SF3B3: variants seen among roughly 807,000 people sequenced by gnomAD.
SF3B3 encodes the protein splicing factor 3b subunit 3.
A neutral mutation model predicts 139.2 loss-of-function variants in SF3B3; 33 were observed. The observed-to-expected ratio is 0.24, with a 90% CI of 0.18 to 0.32. The LOEUF (loss-of-function observed/expected upper bound fraction) is 0.32. Among genes scored for constraint, SF3B3 ranks in the 10% least tolerant of loss-of-function variants. The pLI is 1.00. For missense variants in SF3B3, 818 were observed against 1,509.4 expected, an observed-to-expected ratio of 0.54 and a Z score of 7.59; for synonymous variants, 596 against 563.6, an observed-to-expected ratio of 1.06 and a Z score of -0.81.
chr16:70,540,858 A>C (rs1409180198), intron 8 of SF3B3, among the ~76,000 whole-genome samples: 1 of 152,176 alleles, frequency 6.6e-6, no homozygotes, highest in African/African-American at 2.4e-5. Flanking sequence ...GCTGATGTAC[A>C]CTTGGATTGT....
intron 2 of SF3B3, chr16:70,527,129 T>C: frequency 5.7e-6 from 1 of 176,508 alleles, no homozygotes; most frequent in Middle Eastern, 2.4e-3. Flanking sequence ...TGGACCTTGG[T>C]TTGGTGCTTG....
intron 14 of SF3B3, chr16:70,556,618 G>C: frequency 3.4e-6 from 2 of 593,928 alleles, no homozygotes; most frequent in Non-Finnish European, 5.9e-6. Flanking sequence ...CTTGCTGCAG[G>C]ACCCTAGGTG....
At chr16:70,527,257 A>T (rs1410627934) in intron 2 of SF3B3, among the ~76,000 whole-genome samples, 1 of 152,236 alleles carries the variant, frequency 6.6e-6, no homozygotes, top group Non-Finnish European at 1.5e-5. Flanking sequence ...TTTTGTAAAG[A>T]TGGATTAAGG....
intron 1 of SF3B3, among the ~76,000 whole-genome samples, chr16:70,524,206 C>T (rs1449102044): frequency 2.0e-5 from 3 of 152,074 alleles, no homozygotes; most frequent in African/African-American, 7.2e-5. Context: ...GTGTGACAAG[C>T]AGCGGGAGGC....
chr16:70,547,800 A>G (rs2050283307), intron 10 of SF3B3, among the ~76,000 whole-genome samples: 1 of 152,168 alleles, frequency 6.6e-6, no homozygotes, highest in African/African-American at 2.4e-5. Context: ...CGTGTTGGCC[A>G]GCTGGTCTTG....
In SF3B3 at chr16:70,575,753, A is replaced by C. The variant is rs1051661551; in HGVS notation, c.*3940A>C. ...GCCTGCATCTGATTTCCTCAGCCAC[A>C]ACCTTGGGACTTCAGGAAAAATCAG... On this transcript the variant is annotated 3_prime_UTR_variant, in exon 26 of 26. Coordinates refer to ENST00000302516, the MANE Select transcript of SF3B3 (RefSeq NM_012426.5). The C allele has an allele frequency of 2.0e-5, 3 of 152,248 alleles. No homozygotes were observed. Among genetic ancestry groups the C allele is most frequent in the Admixed American group, 6.5e-5 (1 of 15,284 alleles). The allele number at this position is 152,248 out of a possible 1,614,324, so 9.4% of individuals were successfully genotyped here.
At chr16:70,564,925 C>G in intron 18 of SF3B3, 140 bp from the exon 19 acceptor site, 1 of 712,518 alleles carries the variant, frequency 1.4e-6, no homozygotes, top group Non-Finnish European at 2.5e-6. Context: ...ATAGTCATGT[C>G]GGGAAATCCT....
At position 70,576,311 on chromosome 16, in the gene SF3B3, C is replaced by G. The variant is rs2050579873; in HGVS notation, c.*4498C>G. On this transcript the variant is annotated 3_prime_UTR_variant, in exon 26 of 26. Coordinates refer to ENST00000302516, the MANE Select transcript of SF3B3 (RefSeq NM_012426.5). ...CCCTGTTAGCCCCACCCTACCCCACCCCACCCCCGTATGCAGCATCTCTGG... is the reference window on the plus strand; with the variant it reads ...CCCTGTTAGCCCCACCCTACCCCACGCCACCCCCGTATGCAGCATCTCTGG... 1 of 150,320 alleles carries G rather than the reference C, an allele frequency of 6.7e-6. No individual in the cohort carries two copies. Among genetic ancestry groups the G allele is most frequent in the African/African-American group, 2.5e-5 (1 of 40,572 alleles). 9.3% of individuals were successfully genotyped at this position (150,320 alleles called of 1,614,324 possible). A position where few individuals can be genotyped will look rare whatever the true frequency, so the allele number is the denominator to read the frequency against.
chr16:70,523,869 C>G lies in SF3B3; in HGVS notation c.-130C>G. On this transcript the variant is annotated 5_prime_UTR_variant, in exon 1 of 26. Transcript: ENST00000302516. ...GCCAGTATGTTGGAGTTGGTGGTGG[C>G]TTAAGTTTTGAAGGGAGGTAGCATC... 8.1e-6 allele frequency: 4 copies of G among 494,620 alleles called. No individual in the cohort carries two copies. The highest frequency in any genetic ancestry group is 1.4e-5 in the Non-Finnish European group (4 of 281,944). 30.6% of individuals were successfully genotyped at this position (494,620 alleles called of 1,614,324 possible). A position where few individuals can be genotyped will look rare whatever the true frequency, so the allele number is the denominator to read the frequency against.
rs1164453746 is a variant in SF3B3, at chr16:70,554,320, T to C, written c.1403-126T>C. 4.9e-6 allele frequency: 4 copies of C among 818,972 alleles called. No homozygotes were observed. In the East Asian group the frequency reaches 9.8e-5, roughly 20 times the overall value. 50.7% of individuals were successfully genotyped at this position (818,972 alleles called of 1,614,324 possible). On this transcript the variant is annotated intron_variant, in intron 11 of 25. Coordinates refer to ENST00000302516, the MANE Select transcript of SF3B3 (RefSeq NM_012426.5). Reference sequence around the variant, plus strand: ...CTCTGTGTGCATGTGTATGTGTGTATGTGTGTAATAACTACACATAGAAGA... The same window carrying C: ...CTCTGTGTGCATGTGTATGTGTGTACGTGTGTAATAACTACACATAGAAGA...
chr16:70,533,516 G>T (rs1229994299), intron 5 of SF3B3, among the ~76,000 whole-genome samples: 3 of 152,152 alleles, frequency 2.0e-5, no homozygotes, highest in African/African-American at 7.2e-5. Context: ...CAGCAAATCA[G>T]ATTCAGTGTT....
intron 8 of SF3B3, among the ~76,000 whole-genome samples, chr16:70,539,544 C>T (rs1236459284): frequency 1.6e-5 from 2 of 126,186 alleles, no homozygotes; most frequent in Non-Finnish European, 1.8e-5. Context: ...GCGAAACTCT[C>T]TCTCAAAAAA....
chr16:70,534,746 A>G (rs773983698), intron 5 of SF3B3, among the ~76,000 whole-genome samples: 47 of 152,074 alleles, frequency 3.1e-4, no homozygotes, highest in Non-Finnish European at 3.4e-4. Flanking sequence ...TTGGCTCACT[A>G]CAACCTCCAC....
chr16:70,571,177 G>A lies in SF3B3; in HGVS notation c.3491G>A (p.Arg1164His), dbSNP rs2050525519. The change falls in exon 25 of 26, where the codon CGC becomes CAC. Residue 1164 changes from arginine (R) to histidine (H), a missense_variant. This residue lies in a region of SF3B3 where 44 missense variants were observed against 40.4 expected (regional missense o/e 1.09). Coordinates refer to ENST00000302516, the MANE Select transcript of SF3B3 (RefSeq NM_012426.5). The part of the protein sequence containing the change: ...PLCGRDHLSF[R>H]SYYFPVKNVI... Reference sequence around the variant, plus strand: ...TGTGGGCGGGACCACCTCAGCTTTCGCTCCTACTACTTCCCTGTGAAGGTA... The same window carrying A: ...TGTGGGCGGGACCACCTCAGCTTTCACTCCTACTACTTCCCTGTGAAGGTA... 4 of 1,612,728 alleles carry A rather than the reference G, an allele frequency of 2.5e-6. No homozygotes were observed. Among genetic ancestry groups the A allele is most frequent in the South Asian group, 1.1e-5 (1 of 91,036 alleles).
rs768531551 is a variant in SF3B3, at chr16:70,571,705, C to G, written c.3546C>G (p.Phe1182Leu). The G allele has an allele frequency of 1.2e-6, 2 of 1,614,110 alleles. No individual in the cohort carries two copies. Among genetic ancestry groups the G allele is most frequent in the Non-Finnish European group, 1.7e-6 (2 of 1,179,998 alleles). ...TTGATGGAGACCTCTGTGAGCAGTTCAATTCCATGGAACCCAACAAACAAA... is the reference window on the plus strand; with the variant it reads ...TTGATGGAGACCTCTGTGAGCAGTTGAATTCCATGGAACCCAACAAACAAA... Reference protein sequence around the residue: ...NVIDGDLCEQFNSMEPNKQKN... With the variant: ...NVIDGDLCEQLNSMEPNKQKN... Residue 1182 changes from phenylalanine (F) to leucine (L), a missense_variant, in exon 26 of 26, where the codon TTC becomes TTG. Physicochemically the swap from Phe to Leu is conservative, Grantham distance 22 (BLOSUM62 0). Around this residue, in one of 14 missense-constraint regions of SF3B3, gnomAD observed 28 missense variants for 59.1 expected, o/e 0.47. Coordinates refer to ENST00000302516, the MANE Select transcript of SF3B3 (RefSeq NM_012426.5).
intron 5 of SF3B3, among the ~76,000 whole-genome samples, chr16:70,533,619 C>T (rs1340472833): frequency 6.6e-6 from 1 of 151,480 alleles, no homozygotes; most frequent in Non-Finnish European, 1.5e-5. Context: ...GGAAAATACA[C>T]GTTACTAATT....
At chr16:70,551,560 G>A (rs1894020682) in intron 11 of SF3B3, among the ~76,000 whole-genome samples, 1 of 152,064 alleles carries the variant, frequency 6.6e-6, no homozygotes, top group African/African-American at 2.4e-5. Flanking sequence ...AAATTAGCTG[G>A]GTGTGGTGGC....
At chr16:70,571,235 T>C (rs2050526176) in intron 25 of SF3B3, 36 bp downstream of exon 25, 1 of 1,449,850 alleles carries the variant, frequency 6.9e-7, no homozygotes, top group African/African-American at 1.4e-5. Flanking sequence ...AAGGGAGATC[T>C]GAGAAAGGAG....
intron 11 of SF3B3, among the ~76,000 whole-genome samples, chr16:70,552,654 G>T (rs1291630730): frequency 6.6e-6 from 1 of 152,178 alleles, no homozygotes; most frequent in South Asian, 2.1e-4. Flanking sequence ...TTACTCTGTG[G>T]ATTCCTGGTC....
Sources: gnomAD v4.1 joint callset for allele counts (sites outside exome capture counted in the v4.1 genomes callset) on GRCh38, gnomAD v4.1.1 for gene constraint, gnomAD v4.1.1 regional missense constraint, MANE v1.5 for transcripts, NCBI Gene and HGNC (gene_info 2026-07-23, HGNC 2026-07-21) for gene names.